ATP6V0D1: variants seen among roughly 807,000 people sequenced by gnomAD.
The protein encoded by ATP6V0D1 is ATPase H+ transporting V0 subunit d1.
Under a neutral mutation model 39.0 loss-of-function variants are expected in ATP6V0D1, and 13 were observed. The observed-to-expected ratio is 0.33, with a 90% CI of 0.22 to 0.53. The LOEUF (loss-of-function observed/expected upper bound fraction) is 0.53, where lower values mean the gene tolerates loss of function less well. Ranked by LOEUF, ATP6V0D1 falls within the 20% of genes least tolerant of loss-of-function variation. The probability of loss-of-function intolerance (pLI) is 0.94; values close to 1 mark genes in which losing one functional copy is unlikely to be tolerated. For missense variants in ATP6V0D1, 272 were observed against 470.9 expected (o/e 0.58, Z 3.91); for synonymous variants, 191 against 191.2 (o/e 1.00, Z 0.01).
At chr16:67,468,789 T>A (rs1299760998) in intron 1 of ATP6V0D1, among the ~76,000 whole-genome samples, 1 of 152,152 alleles carries the variant, frequency 6.6e-6, no homozygotes, top group African/African-American at 2.4e-5. Context: ...ATGGCTGACA[T>A]CTGCCTAGGC....
chr16:67,452,951 T>A (rs2041198108), intron 2 of ATP6V0D1, among the ~76,000 whole-genome samples: 1 of 152,162 alleles, frequency 6.6e-6, no homozygotes, highest in African/African-American at 2.4e-5. Flanking sequence ...CCACCTGAGT[T>A]CCTGAGGGCT....
chr16:67,476,741 A>C (rs1264738873), intron 1 of ATP6V0D1, among the ~76,000 whole-genome samples: 3 of 152,136 alleles, frequency 2.0e-5, no homozygotes, highest in Non-Finnish European at 4.4e-5. Context: ...CTCCCAATAG[A>C]GGTACAAACA....
chr16:67,443,041 C>T, intron 4 of ATP6V0D1, 58 bp downstream of exon 4: 1 of 1,579,008 alleles, frequency 6.3e-7, no homozygotes, highest in Non-Finnish European at 8.7e-7. Context: ...CACCCTACCA[C>T]TTCCCACAGC....
At chr16:67,464,188 C>G (rs557658459) in intron 1 of ATP6V0D1, among the ~76,000 whole-genome samples, 1 of 152,282 alleles carries the variant, frequency 6.6e-6, no homozygotes. Context: ...TCCCATGTGG[C>G]AAGGCCTGAG....
intron 2 of ATP6V0D1, among the ~76,000 whole-genome samples, chr16:67,448,078 T>C (rs920449801): frequency 6.6e-6 from 1 of 152,182 alleles, no homozygotes; most frequent in Admixed American, 6.5e-5. Flanking sequence ...GGGCCAGGCA[T>C]GGTGGCTCAC....
chr16:67,472,954 ATC>A (rs1361880798), intron 1 of ATP6V0D1, among the ~76,000 whole-genome samples: 5 of 152,154 alleles, frequency 3.3e-5, no homozygotes, highest in South Asian at 4.2e-4. Flanking sequence ...TAATCTAAGA[ATC>A]TCTCTCTTTT....
chr16:67,475,785 G>A (rs1051985843), intron 1 of ATP6V0D1, among the ~76,000 whole-genome samples: 1 of 152,168 alleles, frequency 6.6e-6, no homozygotes, highest in Non-Finnish European at 1.5e-5. Context: ...AAAAAACCAA[G>A]ACTGATGTCC....
chr16:67,470,526 T>C (rs1243975197), intron 1 of ATP6V0D1, among the ~76,000 whole-genome samples: 1 of 152,190 alleles, frequency 6.6e-6, no homozygotes, highest in African/African-American at 2.4e-5. Context: ...GGCTGCTCTC[T>C]AGCCTCCTGG....
intron 1 of ATP6V0D1, among the ~76,000 whole-genome samples, chr16:67,480,252 G>A (rs2142340316): frequency 6.6e-6 from 1 of 151,412 alleles, no homozygotes; most frequent in African/African-American, 2.4e-5. Flanking sequence ...GCTGTGTGCT[G>A]AGAAGAAAGG....
chr16:67,457,404 T>A (rs2041248505), intron 1 of ATP6V0D1: 1 of 386,326 alleles, frequency 2.6e-6, no homozygotes, highest in Non-Finnish European at 4.9e-6. Flanking sequence ...ACCGCTCTAT[T>A]CCCCAGCCCT....
At chr16:67,454,314 G>C (rs1459815041) in intron 1 of ATP6V0D1, among the ~76,000 whole-genome samples, 1 of 152,196 alleles carries the variant, frequency 6.6e-6, no homozygotes, top group Non-Finnish European at 1.5e-5. Flanking sequence ...TGGCCTGCAG[G>C]GCAAATGAGT....
intron 2 of ATP6V0D1, chr16:67,445,815 T>G (rs1389491384): frequency 1.4e-5 from 6 of 422,946 alleles, no homozygotes; most frequent in Non-Finnish European, 2.9e-5. Flanking sequence ...TAGTCACCTG[T>G]GTGGGGATGC....
At chr16:67,448,039 T>TA (rs1206026963) in intron 2 of ATP6V0D1, among the ~76,000 whole-genome samples, 5 of 152,140 alleles carry the variant, frequency 3.3e-5, no homozygotes, top group Non-Finnish European at 7.4e-5. Flanking sequence ...TCTCGAGACT[T>TA]AGTTTCTCCT....
intron 1 of ATP6V0D1, among the ~76,000 whole-genome samples, chr16:67,465,823 C>G (rs891848532): frequency 2.0e-5 from 3 of 152,156 alleles, no homozygotes; most frequent in Non-Finnish European, 2.9e-5. Flanking sequence ...AGAAGGCCAA[C>G]TGAGACTTAA....
Position 67,453,860 on chromosome 16 carries a change from C to G in ATP6V0D1, c.131-145G>C. Reference sequence around the variant, plus strand: ...CCTGATCTCCATCTCCCTGTTGGCTCAGGGCCTACCACAGGGCAATCAGCT... The same window carrying G: ...CCTGATCTCCATCTCCCTGTTGGCTGAGGGCCTACCACAGGGCAATCAGCT... On this transcript the variant is annotated intron_variant, in intron 1 of 7. Transcript: ENST00000290949. This position sits in a 1 kb window ranked among gnomAD's most constrained non-coding sequence, Gnocchi z 4.1. 2 of 748,648 alleles carry G rather than the reference C, an allele frequency of 2.7e-6. No homozygotes were observed. The highest frequency in any genetic ancestry group is 4.3e-6 in the Non-Finnish European group (2 of 465,230). 46.4% of individuals were successfully genotyped at this position (748,648 alleles called of 1,614,324 possible).
intron 1 of ATP6V0D1, 94 bp downstream of exon 1, chr16:67,480,863 C>A: frequency 6.5e-7 from 1 of 1,538,502 alleles, no homozygotes. Flanking sequence ...CTCTCAGGCC[C>A]TTCAAGACCC....
At position 67,439,100 on chromosome 16, in the gene ATP6V0D1, G is replaced by A; in HGVS notation, c.687C>T (p.Gly229=). 6.2e-7 allele frequency: 1 copy of A among 1,614,210 alleles called. No homozygotes were observed. The change falls in exon 6 of 8, where the codon GGC becomes GGT. Residue 229 remains glycine, a synonymous_variant. Transcript: ENST00000290949. ...CACGGTCCTCTTTGGACAGCTCTGT[G>A]CCGAAAGAATTGATGGTGATGATGA... ...RAFIITINSF[G]TELSKEDRAK...
chr16:67,460,537 A>G (rs572209844), intron 1 of ATP6V0D1, among the ~76,000 whole-genome samples: 1 of 152,170 alleles, frequency 6.6e-6, no homozygotes, highest in Non-Finnish European at 1.5e-5. Context: ...GCAGCACAGT[A>G]TGAGTGTCCT....
rs2041129233 is a variant in ATP6V0D1 at position 67,447,387 on chromosome 16, T to C, written c.303-2681A>G. Among the ~76,000 whole-genome samples, 1 of 152,216 alleles carries C rather than the reference T, an allele frequency of 6.6e-6. No homozygotes were observed. Among genetic ancestry groups the C allele is most frequent in the African/African-American group, 2.4e-5 (1 of 41,452 alleles). On this transcript the variant is annotated intron_variant, in intron 2 of 7. Coordinates refer to ENST00000290949, the MANE Select transcript of ATP6V0D1 (RefSeq NM_004691.5). This position sits in a 1 kb window ranked among gnomAD's most constrained non-coding sequence, Gnocchi z 4.1. Reference sequence around the variant, plus strand: ...GATAAGGCTGGCCCAGCAGTCTGCCTTTCTCCCAAGGCCGAGGCCTTCGGC... The same window carrying C: ...GATAAGGCTGGCCCAGCAGTCTGCCCTTCTCCCAAGGCCGAGGCCTTCGGC...
Sources: allele counts gnomAD v4.1 joint callset (sites outside exome capture counted in the v4.1 genomes callset), GRCh38; gene constraint gnomAD v4.1.1; non-coding constraint Gnocchi (gnomAD v3.1); transcripts MANE v1.5; gene names NCBI Gene and HGNC (gene_info 2026-07-23, HGNC 2026-07-21).